Variants in CELA2B observed in about 807,000 individuals in gnomAD.
CELA2B encodes the protein chymotrypsin like elastase 2B, also known as chymotrypsin-like elastase family member 2B.
CELA2B carries 27 observed loss-of-function variants against 36.5 expected under a neutral mutation model. That is an observed-to-expected ratio of 0.74 (90% CI 0.55 to 1.02). The LOEUF (loss-of-function observed/expected upper bound fraction) is 1.02, where lower values mean the gene tolerates loss of function less well. CELA2B is among the 50% of genes least tolerant of loss of function. CELA2B has a pLI of 0.00. For synonymous variants in CELA2B, 143 were observed against 148.5 expected (o/e 0.96, Z 0.27); for missense variants, 340 against 347.8 (o/e 0.98, Z 0.18).
chr1:15,483,518 A>C, intron 5 of CELA2B, 118 bp downstream of exon 5: 1 of 1,501,246 alleles, frequency 6.7e-7, no homozygotes, highest in Non-Finnish European at 9.1e-7. Context: ...TTGGAGAGAC[A>C]GGATGGCATA....
intron 2 of CELA2B, among the ~76,000 whole-genome samples, chr1:15,476,859 G>A (rs1459277139): frequency 6.6e-6 from 1 of 152,178 alleles, no homozygotes; most frequent in African/African-American, 2.4e-5. Context: ...GCACACGCCT[G>A]TAATCCCAGC....
intron 6 of CELA2B, 128 bp from the exon 7 acceptor site, chr1:15,487,157 T>C (rs1252607453): frequency 3.6e-6 from 3 of 835,812 alleles, no homozygotes; most frequent in Non-Finnish European, 5.8e-6. Context: ...CCTTGAGCTA[T>C]GACCACAAGG....
chr1:15,478,895 C>G (rs1708705896), intron 2 of CELA2B, among the ~76,000 whole-genome samples: 2 of 151,954 alleles, frequency 1.3e-5, no homozygotes, highest in Non-Finnish European at 2.9e-5. Flanking sequence ...TATTAATCAC[C>G]CTGAGAGCCC....
intron 2 of CELA2B, among the ~76,000 whole-genome samples, chr1:15,479,865 C>T (rs183512401): frequency 2.0e-5 from 3 of 152,158 alleles, no homozygotes; most frequent in East Asian, 3.9e-4. Context: ...GAGGCAGAAG[C>T]GGGTTTGGTG....
intron 2 of CELA2B, among the ~76,000 whole-genome samples, chr1:15,477,377 T>C (rs1414711820): frequency 6.6e-6 from 1 of 152,164 alleles, no homozygotes; most frequent in East Asian, 1.9e-4. Context: ...TCAAAAGAAA[T>C]GTGTAAAGTT....
chr1:15,487,603 G>A (rs1417285895), intron 7 of CELA2B, among the ~76,000 whole-genome samples, 166 bp downstream of exon 7: 2 of 152,222 alleles, frequency 1.3e-5, no homozygotes, highest in Non-Finnish European at 2.9e-5. Flanking sequence ...TCCCCCATGG[G>A]TCCCCAAAAT....
intron 7 of CELA2B, chr1:15,491,092 G>T: frequency 1.6e-6 from 1 of 607,392 alleles, no homozygotes; most frequent in Non-Finnish European, 3.0e-6. Flanking sequence ...TTTACAGGAA[G>T]ACCCTAACAG....
At chr1:15,485,115 C>T (rs1266098002) in intron 5 of CELA2B, among the ~76,000 whole-genome samples, 1 of 152,148 alleles carries the variant, frequency 6.6e-6, no homozygotes, top group Non-Finnish European at 1.5e-5. Context: ...AAGCTGGTCT[C>T]GAACTCCTGA....
chr1:15,484,937 G>A lies in CELA2B; in HGVS notation c.494-964G>A, dbSNP rs182943643. Among the ~76,000 whole-genome samples, 1,260 of 150,218 alleles carry A rather than the reference G, an allele frequency of 8.4e-3. 13 individuals carry two copies. Among genetic ancestry groups the A allele is most frequent in the Admixed American group, 0.011 (161 of 15,044 alleles). On this transcript the variant is annotated intron_variant, in intron 5 of 7. Coordinates refer to ENST00000375910, the MANE Select transcript of CELA2B (RefSeq NM_015849.3). ...TTTTGAGACAGAGTCTTGCTCTGTCGCCCAGGCTGGAGTGCAGTGGCACAA... is the reference window on the plus strand; with the variant it reads ...TTTTGAGACAGAGTCTTGCTCTGTCACCCAGGCTGGAGTGCAGTGGCACAA...
At chr1:15,486,149 C>A (rs1440388323) in intron 6 of CELA2B, 103 bp downstream of exon 6, 1 of 1,418,148 alleles carries the variant, frequency 7.1e-7, no homozygotes, top group Non-Finnish European at 9.6e-7. Flanking sequence ...CTCCGACCTC[C>A]TGGCAGAAGC....
chr1:15,487,582 C>A, intron 7 of CELA2B, 145 bp downstream of exon 7: 1 of 1,127,486 alleles, frequency 8.9e-7, no homozygotes, highest in Non-Finnish European at 1.3e-6. Context: ...CAGACCTTGG[C>A]AACTGCTGAG....
At position 15,478,209 on chromosome 1, in the gene CELA2B, TATATATATTGGG is replaced by T. The variant is rs1043095379; in HGVS notation, c.129+1672_129+1683del. 3.2e-3 allele frequency among the ~76,000 whole-genome samples: 330 copies of T among 104,746 alleles called. 6 individuals are homozygous for T. Among genetic ancestry groups the T allele is most frequent in the African/African-American group, 0.015 (299 of 20,422 alleles). 68.7% of individuals were successfully genotyped at this position (104,746 alleles called of 152,430 possible). On this transcript the variant is annotated intron_variant, in intron 2 of 7. Transcript: ENST00000375910. ...TACTTGGGAGGCTGAGGCATATATATATATATATTGGGATATATAGTTTGTTTGTTTGTTTGT... is the reference window on the plus strand; with the variant it reads ...TACTTGGGAGGCTGAGGCATATATATATATATAGTTTGTTTGTTTGTTTGT...
chr1:15,490,037 C>T lies in CELA2B; in HGVS notation c.793-1258C>T, dbSNP rs185495864. On this transcript the variant is annotated intron_variant, in intron 7 of 7. Coordinates refer to ENST00000375910, the MANE Select transcript of CELA2B (RefSeq NM_015849.3). The stretch of plus-strand genomic sequence containing the variant: ...TACAGGCATGCACCACCATGCCCAA[C>T]TAATTTTTGTATTTTTAGTAGAGAT... Among the ~76,000 whole-genome samples, 864 of 152,194 alleles carry T rather than the reference C, an allele frequency of 5.7e-3. 6 individuals carry two copies. The highest frequency in any genetic ancestry group is 8.4e-3 in the Non-Finnish European group (572 of 67,994).
At chr1:15,479,363 G>A (rs563173383) in intron 2 of CELA2B, among the ~76,000 whole-genome samples, 21 of 152,124 alleles carry the variant, frequency 1.4e-4, no homozygotes, top group African/African-American at 5.1e-4. Context: ...TGGCCAACAT[G>A]GTGAAACCCC....
At chr1:15,489,348 G>A (rs540177001) in intron 7 of CELA2B, among the ~76,000 whole-genome samples, 45 of 152,364 alleles carry the variant, frequency 3.0e-4, no homozygotes, top group African/African-American at 1.0e-3. Flanking sequence ...CACGCCTCCC[G>A]AGGCAGCTGG....
In CELA2B at chr1:15,482,393, G is replaced by C. The variant is rs532898958; in HGVS notation, c.356G>C (p.Gly119Ala). 16 of 1,613,984 alleles carry C rather than the reference G, an allele frequency of 9.9e-6. No homozygotes were observed. In the East Asian group the frequency reaches 1.6e-4, roughly 16 times the overall value. Residue 119 changes from glycine (G) to alanine (A), a missense_variant and splice_region_variant, in exon 4 of 8, where the codon GGG (glycine) becomes GCG (alanine). Coordinates refer to ENST00000375910, the MANE Select transcript of CELA2B (RefSeq NM_015849.3). ...KDWNSDQVSK[G>A]NDIALLKLAN... ...TGGAACTCCGACCAGGTCTCCAAAG[G>C]GTTCGTTTCTATCTGGGTGCACTTG...
intron 5 of CELA2B, among the ~76,000 whole-genome samples, chr1:15,484,756 C>T (rs1301770203): frequency 6.6e-6 from 1 of 152,168 alleles, no homozygotes; most frequent in Admixed American, 6.5e-5. Flanking sequence ...AAGCCACTTC[C>T]GAACCTCAGT....
At chr1:15,490,252 CTATCTATA>C (rs1265579752) in intron 7 of CELA2B, among the ~76,000 whole-genome samples, 5 of 130,418 alleles carry the variant, frequency 3.8e-5, no homozygotes, top group African/African-American at 1.2e-4. Flanking sequence ...ATCTATCTAT[CTATCTATA>C]TACACACACA....
intron 6 of CELA2B, 78 bp downstream of exon 6, chr1:15,486,124 C>A: frequency 2.0e-6 from 3 of 1,537,840 alleles, no homozygotes; most frequent in Non-Finnish European, 2.7e-6. Flanking sequence ...AAAACCATCC[C>A]TCCATAGGTC....
Sources: allele counts gnomAD v4.1 joint callset (sites outside exome capture counted in the v4.1 genomes callset), GRCh38; gene constraint gnomAD v4.1.1; transcripts MANE v1.5; gene names NCBI Gene and HGNC (gene_info 2026-07-23, HGNC 2026-07-21).